Variants in COL5A2 observed in about 807,000 individuals in gnomAD.
COL5A2 encodes collagen alpha-2(V) chain.
Under a neutral mutation model 208.2 loss-of-function variants are expected in COL5A2, and 23 were observed. The observed-to-expected ratio is 0.11, with a 90% confidence interval of 0.08 to 0.16. The LOEUF is 0.16. COL5A2 is among the 10% of genes least tolerant of loss of function. The pLI is 1.00. For missense variants in COL5A2, 1,590 were observed against 1,956.4 expected, an observed-to-expected ratio of 0.81 and a Z score of 3.53; for synonymous variants, 625 against 628.5, an observed-to-expected ratio of 0.99 and a Z score of 0.08.
the COL5A2 span, among the ~76,000 whole-genome samples, chr2:189,297,003 C>T: frequency 6.6e-6 from 1 of 152,204 alleles, no homozygotes; most frequent in East Asian, 1.9e-4. Context: ...AACTGACTTT[C>T]TGATAAAATT....
the COL5A2 span, among the ~76,000 whole-genome samples, chr2:189,347,454 T>C: frequency 6.6e-6 from 1 of 152,142 alleles, no homozygotes; most frequent in Non-Finnish European, 1.5e-5. Context: ...TAAAATACAA[T>C]AATCATAATA....
chr2:189,223,648 TACAC>T (rs1689376061), intron 1 of COL5A2, among the ~76,000 whole-genome samples: 1 of 152,204 alleles, frequency 6.6e-6, no homozygotes, highest in African/African-American at 2.4e-5. Flanking sequence ...GATCTATAAT[TACAC>T]ACAATTATGC....
intron 1 of COL5A2, among the ~76,000 whole-genome samples, chr2:189,151,466 G>C (rs1478424161): frequency 6.6e-6 from 1 of 152,108 alleles, no homozygotes; most frequent in Non-Finnish European, 1.5e-5. Flanking sequence ...CTTTTCTGTT[G>C]AATCCATGAC....
chr2:189,199,786 GC>G (rs1410269940), intron 1 of COL5A2, among the ~76,000 whole-genome samples: 1 of 152,120 alleles, frequency 6.6e-6, no homozygotes, highest in Non-Finnish European at 1.5e-5. Context: ...TACAATAAAT[GC>G]CCAAAGGAAG....
the COL5A2 span, among the ~76,000 whole-genome samples, chr2:189,380,844 A>G: frequency 6.6e-6 from 1 of 151,986 alleles, no homozygotes; most frequent in Non-Finnish European, 1.5e-5. Context: ...TAAAATTTGT[A>G]ATTTGTAGAA....
the COL5A2 span, among the ~76,000 whole-genome samples, chr2:189,288,524 A>G: frequency 1.3e-5 from 2 of 152,224 alleles, no homozygotes; most frequent in African/African-American, 4.8e-5. Flanking sequence ...AATAATAAAG[A>G]AGCAGAAAAT....
rs564136480 is a variant in COL5A2 at position 189,110,319 on chromosome 2, G to A, written c.228C>T (p.Cys76=). ...NGAILCDKIE[C]QDVLDCADPV... ...GGTCGGCACAGTCCAGCACATCCTG[G>A]CATTCTATCTTGTCACAGAGAATGG... Residue 76 remains cysteine, a synonymous_variant, in exon 2 of 54, where the codon TGC becomes TGT. Coordinates refer to ENST00000374866, the MANE Select transcript of COL5A2 (RefSeq NM_000393.5). The A allele has an allele frequency of 3.8e-5, 61 of 1,614,092 alleles. No individual in the cohort carries two copies. The African/African-American group carries it at 7.1e-4, about 19-fold the overall frequency.
At chr2:189,126,707 G>T (rs1309424993) in intron 1 of COL5A2, among the ~76,000 whole-genome samples, 1 of 152,096 alleles carries the variant, frequency 6.6e-6, no homozygotes, top group Non-Finnish European at 1.5e-5. Flanking sequence ...GCCACATTTA[G>T]TAAATGAAAT....
intron 1 of COL5A2, among the ~76,000 whole-genome samples, chr2:189,170,379 G>A (rs1291416283): frequency 2.0e-5 from 3 of 152,138 alleles, no homozygotes; most frequent in Non-Finnish European, 4.4e-5. Flanking sequence ...CTATCTCCCA[G>A]GAAACTTATT....
chr2:189,176,719 G>A lies in COL5A2; in HGVS notation c.97+2789C>T, dbSNP rs374205203. Among the ~76,000 whole-genome samples the A allele has an allele frequency of 1.1e-3, 170 of 147,924 alleles. No homozygotes were observed. The Middle Eastern group carries it at 0.018, about 16-fold the overall frequency. ...ACTCTCACCACACGCACACACACAC[G>A]CACACACACTCTTTAAAAGCTGATT... On this transcript the variant is annotated intron_variant, in intron 1 of 53. Transcript: ENST00000374866.
rs954830120 is a variant in COL5A2 at position 189,111,858 on chromosome 2, C to T, written c.98-1409G>A. Among the ~76,000 whole-genome samples the T allele has an allele frequency of 4.6e-4, 68 of 147,610 alleles. 1 individual carries two copies. The highest frequency in any genetic ancestry group is 1.5e-4 in the Non-Finnish European group (10 of 66,336). On this transcript the variant is annotated intron_variant, in intron 1 of 53. Coordinates refer to ENST00000374866, the MANE Select transcript of COL5A2 (RefSeq NM_000393.5). ...AGGCGTCTTGTTCATCACTGTATTT[C>T]TTTTCTTTTTTTTTTTTCTTTTTTA...
At chr2:189,274,771 G>A in the COL5A2 span, among the ~76,000 whole-genome samples, 1 of 151,760 alleles carries the variant, frequency 6.6e-6, no homozygotes, top group African/African-American at 2.4e-5. Context: ...ATTGAATAAT[G>A]ATATATTTTT....
intron 1 of COL5A2, among the ~76,000 whole-genome samples, chr2:189,119,392 C>T (rs1240646957): frequency 6.6e-6 from 1 of 152,046 alleles, no homozygotes; most frequent in Admixed American, 6.6e-5. Context: ...GAAGATACTT[C>T]TTTATCCTAT....
At chr2:189,065,187 G>C (rs923884729) in intron 23 of COL5A2, 130 bp from the exon 24 acceptor site, 8 of 812,028 alleles carry the variant, frequency 9.9e-6, no homozygotes, top group Non-Finnish European at 1.5e-5. Flanking sequence ...CTATAGATAT[G>C]CATGAGAAAA....
intron 1 of COL5A2, among the ~76,000 whole-genome samples, chr2:189,123,162 C>T (rs1181870197): frequency 6.6e-6 from 1 of 152,028 alleles, no homozygotes; most frequent in Non-Finnish European, 1.5e-5. Context: ...CAAGGTTTCA[C>T]CACGTTGGTC....
chr2:189,129,239 G>A (rs574306607), intron 1 of COL5A2, among the ~76,000 whole-genome samples: 12 of 152,050 alleles, frequency 7.9e-5, no homozygotes, highest in African/African-American at 2.6e-4. Context: ...TACTAAAGCC[G>A]AAAGGCTGTC....
the COL5A2 span, among the ~76,000 whole-genome samples, chr2:189,424,431 CT>C: frequency 6.6e-6 from 1 of 151,924 alleles, no homozygotes; most frequent in Non-Finnish European, 1.5e-5. Flanking sequence ...TTTTTAAAAA[CT>C]AAAAAATCTT....
At chr2:189,427,803 T>C in the COL5A2 span, among the ~76,000 whole-genome samples, 2 of 152,180 alleles carry the variant, frequency 1.3e-5, no homozygotes, top group Non-Finnish European at 2.9e-5. Flanking sequence ...CACAGGCCTA[T>C]AGACTCTTTC....
chr2:189,288,245 T>C, the COL5A2 span, among the ~76,000 whole-genome samples: 5 of 152,348 alleles, frequency 3.3e-5, no homozygotes, highest in African/African-American at 4.8e-5. Flanking sequence ...ACTAAAGTTA[T>C]TGCAAACAAG....
Sources: gnomAD v4.1 joint callset for allele counts (sites outside exome capture counted in the v4.1 genomes callset) on GRCh38, gnomAD v4.1.1 for gene constraint, MANE v1.5 for transcripts, NCBI Gene and HGNC (gene_info 2026-07-23, HGNC 2026-07-21) for gene names.